Variants in NCOA1 observed in about 807,000 individuals in gnomAD.
NCOA1 encodes the protein Hin-2 protein.
Under a neutral mutation model 150.9 loss-of-function variants are expected in NCOA1, and 35 were observed. The observed-to-expected ratio is 0.23, with a 90% CI of 0.18 to 0.31. The LOEUF (loss-of-function observed/expected upper bound fraction) is 0.31, where lower values mean the gene tolerates loss of function less well. NCOA1 is among the 10% of genes least tolerant of loss of function. The pLI is 1.00. For missense variants in NCOA1, 1,491 were observed against 1,749.3 expected, an observed-to-expected ratio of 0.85 and a Z score of 2.63; for synonymous variants, 590 against 630.0, an observed-to-expected ratio of 0.94 and a Z score of 0.95.
intron 10 of NCOA1, among the ~76,000 whole-genome samples, chr2:24,694,408 A>C (rs979940218): frequency 5.3e-5 from 8 of 152,164 alleles, no homozygotes; most frequent in Non-Finnish European, 7.4e-5. Flanking sequence ...ATTTCTTCTG[A>C]ATTTTATGCT....
At chr2:24,637,502 T>C (rs1477056487) in intron 3 of NCOA1, among the ~76,000 whole-genome samples, 7 of 151,694 alleles carry the variant, frequency 4.6e-5, no homozygotes, top group Non-Finnish European at 8.8e-5. Context: ...CATGGAATAC[T>C]ATGCAGCCAT....
intron 3 of NCOA1, among the ~76,000 whole-genome samples, chr2:24,609,245 A>G (rs968852520): frequency 1.1e-4 from 17 of 152,200 alleles, no homozygotes; most frequent in Non-Finnish European, 1.9e-4. Context: ...TTATTTAACC[A>G]TATGTTTATA....
At chr2:24,552,336 TATATATATATATA>T in intron 1 of NCOA1, among the ~76,000 whole-genome samples, 1 of 16,882 alleles carries the variant, frequency 5.9e-5, no homozygotes, top group African/African-American at 1.8e-4. Flanking sequence ...TATATATATA[TATATATATATATA>T]TATATTTTTT....
At chr2:24,657,734 C>T (rs56315296) in intron 4 of NCOA1, among the ~76,000 whole-genome samples, 6,554 of 152,240 alleles carry the variant, frequency 0.043, 211 homozygotes, top group African/African-American at 0.095. Flanking sequence ...TGCTAACATA[C>T]AGTGCTGTAG....
intron 1 of NCOA1, among the ~76,000 whole-genome samples, chr2:24,561,982 A>G (rs1228447807): frequency 6.6e-6 from 1 of 152,186 alleles, no homozygotes; most frequent in Admixed American, 6.5e-5. Flanking sequence ...AATGCAGGTC[A>G]GTTTAGAGCC....
intron 3 of NCOA1, among the ~76,000 whole-genome samples, chr2:24,643,174 T>G (rs1359844969): frequency 2.0e-5 from 3 of 152,204 alleles, no homozygotes; most frequent in East Asian, 1.9e-4. Context: ...TTTCCAGCTT[T>G]CTTTTAGCTC....
rs1439839586 is a variant in NCOA1 at position 24,712,354 on chromosome 2, CT to C, written c.2599+1246del. Among the ~76,000 whole-genome samples, 15 of 152,272 alleles carry C rather than the reference CT, an allele frequency of 9.9e-5. No individual in the cohort carries two copies. The East Asian group carries it at 2.9e-3, about 29-fold the overall frequency. ...TCTGCATATTGATTGATTTGGAGGT[CT>C]TTATCTCCTTCCCCATCCAATATGG... On this transcript the variant is annotated intron_variant, in intron 14 of 22. Transcript: ENST00000348332.
At position 24,644,094 on chromosome 2, in the gene NCOA1, G is replaced by T. The variant is rs1670354312; in HGVS notation, c.-46G>T. On this transcript the variant is annotated 5_prime_UTR_variant, in exon 4 of 23. Coordinates refer to ENST00000348332, the MANE Select transcript of NCOA1 (RefSeq NM_003743.5). ...AAGATTTGACCATATCTGTTTTGAG[G>T]ATTCATTATGAACAAAGAAGTCTCC... 6.6e-6 allele frequency: 1 copy of T among 152,128 alleles called. No individual in the cohort carries two copies. The highest frequency in any genetic ancestry group is 1.5e-5 in the Non-Finnish European group (1 of 68,010). 9.4% of individuals were successfully genotyped at this position (152,128 alleles called of 1,614,324 possible).
At chr2:24,623,970 C>G (rs1255868458) in intron 3 of NCOA1, among the ~76,000 whole-genome samples, 1 of 152,112 alleles carries the variant, frequency 6.6e-6, no homozygotes, top group African/African-American at 2.4e-5. Flanking sequence ...AACAGAGCCC[C>G]TAAGACCTTT....
chr2:24,540,342 T>TA (rs1665335492), intron 1 of NCOA1, among the ~76,000 whole-genome samples: 1 of 152,200 alleles, frequency 6.6e-6, no homozygotes, highest in Non-Finnish European at 1.5e-5. Flanking sequence ...GGCATTTATT[T>TA]AAAAGAGTCA....
intron 1 of NCOA1, among the ~76,000 whole-genome samples, chr2:24,523,665 C>T (rs532891721): frequency 2.1e-4 from 29 of 138,738 alleles, no homozygotes; most frequent in Admixed American, 1.4e-3. Context: ...CGGTGGCTCA[C>T]GCTTGTAATC....
At chr2:24,573,079 T>C (rs114756314) in intron 2 of NCOA1, among the ~76,000 whole-genome samples, 5 of 152,278 alleles carry the variant, frequency 3.3e-5, no homozygotes, top group African/African-American at 1.2e-4. Flanking sequence ...ACTTTTGTTA[T>C]CAGTTACTTG....
chr2:24,688,392 G>T lies in NCOA1; in HGVS notation c.533-3089G>T, dbSNP rs113822769. On this transcript the variant is annotated intron_variant, in intron 8 of 22. Transcript: ENST00000348332. ...CAACAGTGTATAAGCATTCCCGTTT[G>T]CCCACAGCCTTGCCAGCATCTGTTA... 2.2e-3 allele frequency among the ~76,000 whole-genome samples: 342 copies of T among 152,240 alleles called. 6 individuals carry two copies. The highest frequency in any genetic ancestry group is 8.0e-3 in the African/African-American group (331 of 41,538).
At chr2:24,693,108 C>A in intron 9 of NCOA1, 144 bp from the exon 10 acceptor site, 1 of 703,088 alleles carries the variant, frequency 1.4e-6, no homozygotes, top group South Asian at 1.7e-5. Flanking sequence ...CCCACCTCGG[C>A]CTCCCAAAGT....
Position 24,768,276 on chromosome 2 carries a change from G to C in NCOA1, c.4211G>C (p.Gly1404Ala), listed in dbSNP as rs1665165164. The change falls in exon 23 of 23, where the codon GGC becomes GCC. Residue 1404 changes from glycine (G) to alanine (A), a missense_variant. This residue lies in a region of NCOA1 where 46 missense variants were observed against 78.8 expected (regional missense o/e 0.58). Coordinates refer to ENST00000348332, the MANE Select transcript of NCOA1 (RefSeq NM_003743.5). ...ADVQCTVNLV[G>A]GDPYLNQPGP... The stretch of plus-strand genomic sequence containing the variant: ...GTCCAGTGTACAGTGAATCTGGTAG[G>C]CGGGGACCCTTACCTGAACCAGCCT... The C allele has an allele frequency of 1.2e-6, 2 of 1,613,836 alleles. No individual in the cohort carries two copies. Among genetic ancestry groups the C allele is most frequent in the Non-Finnish European group, 1.7e-6 (2 of 1,179,910 alleles).
At chr2:24,492,107 T>C (rs1260320624) in intron 1 of NCOA1, 1 of 152,114 alleles carries the variant, frequency 6.6e-6, no homozygotes, top group Non-Finnish European at 1.5e-5. Flanking sequence ...GGCGTCCCTC[T>C]CCGTCGGCGC....
intron 19 of NCOA1, among the ~76,000 whole-genome samples, chr2:24,749,682 C>T (rs1558337781): frequency 6.6e-6 from 1 of 152,130 alleles, no homozygotes; most frequent in East Asian, 1.9e-4. Context: ...TGTAGCCTAA[C>T]CACAGCCCAG....
At chr2:24,606,194 T>G (rs1167588832) in intron 3 of NCOA1, among the ~76,000 whole-genome samples, 1 of 151,998 alleles carries the variant, frequency 6.6e-6, no homozygotes, top group African/African-American at 2.4e-5. Context: ...GTGAATGATA[T>G]TTATACCTTC....
chr2:24,736,860 G>T (rs533424739), intron 17 of NCOA1, among the ~76,000 whole-genome samples: 1 of 152,294 alleles, frequency 6.6e-6, no homozygotes, highest in South Asian at 2.1e-4. Flanking sequence ...TTGTTTGGCA[G>T]AATCACCCCT....
Sources: allele counts gnomAD v4.1 joint callset (sites outside exome capture counted in the v4.1 genomes callset), GRCh38; gene constraint gnomAD v4.1.1; regional missense constraint gnomAD v4.1.1; transcripts MANE v1.5; gene names NCBI Gene and HGNC (gene_info 2026-07-23, HGNC 2026-07-21).